The following CDH13 variants were observed in gnomAD, a reference collection of about 807,000 sequenced individuals.
The protein encoded by CDH13 is cadherin 13.
CDH13 carries 24 observed loss-of-function variants against 63.8 expected under a neutral mutation model. The ratio of observed to expected loss-of-function variants is 0.38; its 90% CI spans 0.27 to 0.53. CDH13 has a LOEUF of 0.53. Ranked by LOEUF, CDH13 falls within the 20% of genes least tolerant of loss-of-function variation. The pLI is 0.85. For missense variants in CDH13, 1,049 were observed against 903.1 expected, an observed-to-expected ratio of 1.16 and a Z score of -2.07; for synonymous variants, 503 against 355.3, an observed-to-expected ratio of 1.42 and a Z score of -4.67.
At chr16:83,112,415 C>A (rs1030324972) in intron 3 of CDH13, among the ~76,000 whole-genome samples, 3 of 152,126 alleles carry the variant, frequency 2.0e-5, no homozygotes, top group African/African-American at 7.2e-5. Context: ...AGAGGAAGTT[C>A]TTGGTGATTA....
chr16:82,837,563 G>C (rs59831726), intron 1 of CDH13, among the ~76,000 whole-genome samples: 1 of 152,148 alleles, frequency 6.6e-6, no homozygotes, highest in East Asian at 1.9e-4. Context: ...AGGCCTGTGA[G>C]CGAAGTCCGG....
At chr16:82,685,243 G>C (rs1253111332) in intron 1 of CDH13, among the ~76,000 whole-genome samples, 1 of 152,180 alleles carries the variant, frequency 6.6e-6, no homozygotes, top group African/African-American at 2.4e-5. Context: ...CTGGAGGCTG[G>C]GATGTTCAAG....
chr16:83,351,650 A>G (rs775508407), intron 6 of CDH13, among the ~76,000 whole-genome samples: 1 of 152,170 alleles, frequency 6.6e-6, no homozygotes, highest in Non-Finnish European at 1.5e-5. Flanking sequence ...AGTTGTTTTC[A>G]CTTTTCTACA....
chr16:83,236,421 A>G (rs1379635601), intron 5 of CDH13, among the ~76,000 whole-genome samples: 1 of 152,232 alleles, frequency 6.6e-6, no homozygotes, highest in African/African-American at 2.4e-5. Flanking sequence ...TAAGAAAGAA[A>G]AGCTCTTAAT....
At chr16:83,481,938 G>C (rs1287261060) in intron 6 of CDH13, among the ~76,000 whole-genome samples, 1 of 152,198 alleles carries the variant, frequency 6.6e-6, no homozygotes, top group Non-Finnish European at 1.5e-5. Flanking sequence ...GTGTGGGACT[G>C]CATAAGAGGA....
At chr16:83,460,966 T>A in intron 6 of CDH13, among the ~76,000 whole-genome samples, 1 of 146,454 alleles carries the variant, frequency 6.8e-6, no homozygotes, top group East Asian at 2.0e-4. Context: ...GGTGACAGAA[T>A]TAGACCTTGT....
intron 6 of CDH13, among the ~76,000 whole-genome samples, chr16:83,360,373 G>A (rs536825010): frequency 4.6e-5 from 7 of 152,198 alleles, no homozygotes; most frequent in Admixed American, 2.6e-4. Context: ...CAATATATGG[G>A]AGGGGGTTCC....
chr16:83,435,309 G>A (rs987556434), intron 6 of CDH13, among the ~76,000 whole-genome samples: 2 of 152,106 alleles, frequency 1.3e-5, no homozygotes, highest in Non-Finnish European at 2.9e-5. Flanking sequence ...CTCCCAAAGG[G>A]CTGGGATTAC....
intron 7 of CDH13, among the ~76,000 whole-genome samples, chr16:83,556,291 T>C (rs1272766291): frequency 2.6e-5 from 4 of 152,178 alleles, no homozygotes; most frequent in Non-Finnish European, 5.9e-5. Flanking sequence ...TGCTCATGTT[T>C]TTAAATGGTA....
At chr16:83,656,559 C>T (rs1328568564) in intron 8 of CDH13, among the ~76,000 whole-genome samples, 1 of 152,148 alleles carries the variant, frequency 6.6e-6, no homozygotes, top group African/African-American at 2.4e-5. Flanking sequence ...ATTGCCCAAG[C>T]TGGGACCAGA....
chr16:83,768,469 G>C (rs1914547259), intron 11 of CDH13, among the ~76,000 whole-genome samples: 7 of 152,176 alleles, frequency 4.6e-5, no homozygotes, highest in Admixed American at 4.6e-4. Context: ...TTTAATCATA[G>C]TGTTAATGGA....
intron 1 of CDH13, among the ~76,000 whole-genome samples, chr16:82,669,908 G>A (rs996675304): frequency 1.3e-5 from 2 of 152,224 alleles, no homozygotes; most frequent in Non-Finnish European, 1.5e-5. Flanking sequence ...CCCATTGGCA[G>A]AGATGTAGTC....
rs184096023 is a variant in CDH13, at chr16:83,727,065, A to G, written c.1539-21043A>G. ...CGTACAATTCACCCATTTAAAATAT[A>G]CAATTCAATGGTTTTTAGTGTAGTC... On this transcript the variant is annotated intron_variant, in intron 10 of 13. Coordinates refer to ENST00000567109, the MANE Select transcript of CDH13 (RefSeq NM_001257.5). Among the ~76,000 whole-genome samples, 12 of 152,308 alleles carry G rather than the reference A, an allele frequency of 7.9e-5. No individual in the cohort carries two copies. The East Asian group carries it at 2.3e-3, about 29-fold the overall frequency.
intron 7 of CDH13, among the ~76,000 whole-genome samples, chr16:83,502,545 A>G (rs1598168999): frequency 1.3e-5 from 2 of 152,186 alleles, no homozygotes; most frequent in East Asian, 1.9e-4. Flanking sequence ...AGTTTGTTAC[A>G]GCAGCAATAG....
chr16:82,651,806 AT>A (rs1312886778), intron 1 of CDH13, among the ~76,000 whole-genome samples: 10 of 152,162 alleles, frequency 6.6e-5, no homozygotes, highest in Admixed American at 6.5e-4. Flanking sequence ...ATGACAAGTG[AT>A]TTTTCCAGTG....
intron 1 of CDH13, among the ~76,000 whole-genome samples, chr16:82,648,719 C>G (rs936316798): frequency 3.3e-5 from 5 of 152,160 alleles, no homozygotes; most frequent in African/African-American, 7.2e-5. Flanking sequence ...GATACACTTG[C>G]GTTACATCTA....
At chr16:83,235,884 T>C (rs1049636250) in intron 5 of CDH13, among the ~76,000 whole-genome samples, 3 of 152,162 alleles carry the variant, frequency 2.0e-5, no homozygotes, top group African/African-American at 7.2e-5. Flanking sequence ...TCCTTAAACT[T>C]GTGTGCTATG....
chr16:83,463,802 C>G (rs1394197745), intron 6 of CDH13, among the ~76,000 whole-genome samples: 1 of 152,080 alleles, frequency 6.6e-6, no homozygotes, highest in Non-Finnish European at 1.5e-5. Context: ...GAGACTCTGT[C>G]TCCAAAAAAA....
At chr16:82,873,319 A>G (rs1008799942) in intron 2 of CDH13, among the ~76,000 whole-genome samples, 25 of 152,236 alleles carry the variant, frequency 1.6e-4, no homozygotes, top group African/African-American at 2.4e-4. Context: ...AGATAGGGGT[A>G]TAAAGATTGA....
Sources: gnomAD v4.1 joint callset for allele counts (sites outside exome capture counted in the v4.1 genomes callset) on GRCh38, gnomAD v4.1.1 for gene constraint, MANE v1.5 for transcripts, NCBI Gene and HGNC (gene_info 2026-07-23, HGNC 2026-07-21) for gene names.